Variants in HELB observed in about 807,000 individuals in gnomAD.
HELB encodes DNA 5'-3' helicase B.
HELB carries 96 observed loss-of-function variants against 101.7 expected under a neutral mutation model. That is an observed-to-expected ratio of 0.94 (90% confidence interval 0.80 to 1.12). HELB has a LOEUF of 1.12. Among genes scored for constraint, HELB ranks in the 50% most tolerant of loss-of-function variants. The pLI, the probability that HELB is intolerant of heterozygous loss-of-function variation, is 0.00. For missense variants in HELB, 1,210 were observed against 1,291.9 expected (o/e 0.94, Z 0.97); for synonymous variants, 437 against 459.7 (o/e 0.95, Z 0.63).
Position 66,304,928 on chromosome 12 carries a change from CTCTT to C in HELB, c.390_393del (p.Phe130LeufsTer15), listed in dbSNP as rs1255944789. ...ACCAAATCAAAAACATATCTGTGCT[CTCTT>C]TCTTAAAGAGTGTGAGGTCTCCAGT... On this transcript the variant is annotated frameshift_variant, in exon 2 of 13. Coordinates refer to ENST00000247815, the MANE Select transcript of HELB (RefSeq NM_001370285.1). LOFTEE classifies it high-confidence loss of function. 3 of 1,613,984 alleles carry C rather than the reference CTCTT, an allele frequency of 1.9e-6. No homozygotes were observed. The highest frequency in any genetic ancestry group is 8.5e-7 in the Non-Finnish European group (1 of 1,179,996).
At chr12:66,324,407 T>G (rs960207130) in intron 10 of HELB, 196 bp downstream of exon 10, 1 of 537,300 alleles carries the variant, frequency 1.9e-6, no homozygotes, top group Non-Finnish European at 3.3e-6. Context: ...GGCTTTAATA[T>G]CAGGATAATA....
intron 2 of HELB, 53 bp downstream of exon 2, chr12:66,305,203 T>C: frequency 9.3e-7 from 1 of 1,076,744 alleles, no homozygotes; most frequent in Non-Finnish European, 1.4e-6. Context: ...ACTTAATAAC[T>C]ACAGTGTTTA....
chr12:66,322,271 A>G (rs12816200), intron 8 of HELB, among the ~76,000 whole-genome samples: 89,237 of 151,934 alleles, frequency 0.59, 28,087 homozygotes, highest in Middle Eastern at 0.81. Flanking sequence ...ATGCTAAGAT[A>G]AAAAATACAG....
At chr12:66,325,194 G>A (rs145226758) in intron 11 of HELB, 68 bp downstream of exon 11, 25 of 1,119,530 alleles carry the variant, frequency 2.2e-5, no homozygotes, top group Middle Eastern at 2.4e-4. Context: ...CATTGTTTTC[G>A]TAAATTTTTG....
Position 66,324,132 on chromosome 12 carries a change from T to C in HELB, c.2447T>C (p.Leu816Pro), listed in dbSNP as rs1175581370. The C allele has an allele frequency of 6.2e-7, 1 of 1,613,836 alleles. No individual in the cohort carries two copies. Among genetic ancestry groups the C allele is most frequent in the African/African-American group, 1.3e-5 (1 of 74,916 alleles). Residue 816 changes from leucine (L) to proline (P), a missense_variant, in exon 10 of 13, where the codon CTT (leucine) becomes CCT (proline). Physicochemically the swap from Leu to Pro is moderately conservative, Grantham distance 98. Transcript: ENST00000247815. Reference protein sequence around the residue: ...DASSEDFSGTLPDFAKNKRDF... With the variant: ...DASSEDFSGTPPDFAKNKRDF... ...AGTAGTGAAGACTTTTCTGGTACGC[T>C]TCCTGATTTTGCTAAAAATAAGCGT...
At chr12:66,305,365 T>C (rs956647918) in intron 2 of HELB, among the ~76,000 whole-genome samples, 1 of 152,216 alleles carries the variant, frequency 6.6e-6, no homozygotes. Flanking sequence ...TTCCAGTTCC[T>C]TTCCACCTCT....
At chr12:66,318,411 GATTGCTAATGTGTAGTACCATAAGTT>G (rs1019094044) in intron 6 of HELB, among the ~76,000 whole-genome samples, 1 of 152,240 alleles carries the variant, frequency 6.6e-6, no homozygotes, top group Admixed American at 6.5e-5. Flanking sequence ...GCTAAGGACT[GATTGCTAATGTGTAGTACCATAAGTT>G]ATTGCTAATG....
chr12:66,325,005 G>T lies in HELB; in HGVS notation c.2549G>T (p.Gly850Val), dbSNP rs760988570. Residue 850 changes from glycine to valine, a missense_variant, in exon 11 of 13, where the codon GGA becomes GTA. Gly to Val is a moderately radical substitution (Grantham distance 109). Transcript: ENST00000247815. ...CAGGATGTAACTGATGTAACTTTTG[G>T]AAAGAGAAGATCTTTGACCATTAAT... is the stretch of plus-strand genomic sequence containing the variant. The part of the protein sequence containing the change: ...ITNDVTDVTF[G>V]KRRSLTINNM... 13 of 1,612,566 alleles carry T rather than the reference G, an allele frequency of 8.1e-6. No homozygotes were observed. Among genetic ancestry groups the T allele is most frequent in the Non-Finnish European group, 9.3e-6 (11 of 1,178,744 alleles).
intron 5 of HELB, 49 bp downstream of exon 5, chr12:66,314,212 G>C: frequency 1.3e-6 from 2 of 1,547,054 alleles, no homozygotes; most frequent in East Asian, 4.5e-5. Flanking sequence ...AAAGTATTGT[G>C]GTTAGTTGGT....
Position 66,324,498 on chromosome 12 carries a change from C to A in HELB, c.2526+287C>A, listed in dbSNP as rs915641936. The A allele has an allele frequency of 3.5e-5, 10 of 287,562 alleles. No homozygotes were observed. The South Asian group carries it at 4.1e-4, about 12-fold the overall frequency. 17.8% of individuals were successfully genotyped at this position (287,562 alleles called of 1,614,324 possible). On this transcript the variant is annotated intron_variant, in intron 10 of 12. Coordinates refer to ENST00000247815, the MANE Select transcript of HELB (RefSeq NM_001370285.1). ...TATGAAGAAACATTTTTAATAAAAT[C>A]GAAGTACTTGAGTAACAAAAAACAA...
intron 3 of HELB, among the ~76,000 whole-genome samples, chr12:66,307,181 A>G (rs2053486627): frequency 6.6e-6 from 1 of 152,216 alleles, no homozygotes; most frequent in Non-Finnish European, 1.5e-5. Flanking sequence ...TGGAACCTCA[A>G]GAATGTTTGC....
chr12:66,326,044 A>T (rs1280436335), intron 11 of HELB, among the ~76,000 whole-genome samples: 2 of 152,238 alleles, frequency 1.3e-5, no homozygotes, highest in Non-Finnish European at 2.9e-5. Context: ...TAAACTATGC[A>T]TATTCGAATT....
Position 66,337,850 on chromosome 12 carries a change from G to A in HELB, c.3163-151G>A. Reference sequence around the variant, plus strand: ...CAAAGCAGATGTGATCCTACAAGGAGCTGATAGCCAATTGCTTTGGTTGCT... The same window carrying A: ...CAAAGCAGATGTGATCCTACAAGGAACTGATAGCCAATTGCTTTGGTTGCT... On this transcript the variant is annotated intron_variant, in intron 12 of 12. Transcript: ENST00000247815. 5.1e-6 allele frequency: 3 copies of A among 593,334 alleles called. No homozygotes were observed. In the South Asian group the frequency reaches 6.2e-5, roughly 12 times the overall value. 36.8% of individuals were successfully genotyped at this position (593,334 alleles called of 1,614,324 possible).
chr12:66,306,891 T>C (rs927278300), intron 3 of HELB, among the ~76,000 whole-genome samples: 2 of 152,230 alleles, frequency 1.3e-5, no homozygotes, highest in Non-Finnish European at 2.9e-5. Flanking sequence ...GCAAGTCCAT[T>C]CTGCTGTGCA....
chr12:66,324,303 T>G (rs188185555), intron 10 of HELB, 92 bp downstream of exon 10: 1 of 898,514 alleles, frequency 1.1e-6, no homozygotes. Context: ...TCTAATGATA[T>G]CAGTTGACAT....
intron 2 of HELB, 54 bp downstream of exon 2, chr12:66,305,204 A>G: frequency 9.3e-7 from 1 of 1,075,202 alleles, no homozygotes; most frequent in Non-Finnish European, 1.4e-6. Context: ...CTTAATAACT[A>G]CAGTGTTTAA....
intron 9 of HELB, among the ~76,000 whole-genome samples, chr12:66,323,011 T>C (rs982789554): frequency 1.3e-5 from 2 of 151,990 alleles, no homozygotes; most frequent in Non-Finnish European, 2.9e-5. Flanking sequence ...GGAGTGAAAT[T>C]TTTTTGGTTT....
At chr12:66,333,137 T>G (rs1372474083) in intron 12 of HELB, among the ~76,000 whole-genome samples, 1 of 152,152 alleles carries the variant, frequency 6.6e-6, no homozygotes, top group Non-Finnish European at 1.5e-5. Context: ...TTTGTGGACA[T>G]TATATTCCAG....
Position 66,305,653 on chromosome 12 carries a change from G to A in HELB, c.607+503G>A, listed in dbSNP as rs567554210. Among the ~76,000 whole-genome samples the A allele has an allele frequency of 4.6e-5, 7 of 152,112 alleles. No homozygotes were observed. In the South Asian group the frequency reaches 1.5e-3, roughly 32 times the overall value. On this transcript the variant is annotated intron_variant, in intron 2 of 12. Transcript: ENST00000247815. ...CCAGCTACTTGGGAGGATGAGGCAG[G>A]AGGATCACTTGAGCCTAGGAAATGG... is the stretch of plus-strand genomic sequence containing the variant.
Sources: gnomAD v4.1 joint callset for allele counts (sites outside exome capture counted in the v4.1 genomes callset) on GRCh38, gnomAD v4.1.1 for gene constraint, MANE v1.5 for transcripts, NCBI Gene and HGNC (gene_info 2026-07-23, HGNC 2026-07-21) for gene names.